Variants in TRPA1 observed in about 807,000 individuals in gnomAD.
The protein encoded by TRPA1 is transient receptor potential cation channel subfamily A member 1.
Under a neutral mutation model 131.3 loss-of-function variants are expected in TRPA1, and 129 were observed. The observed-to-expected ratio is 0.98, with a 90% CI of 0.85 to 1.14. The LOEUF is 1.14. Among genes scored for constraint, TRPA1 ranks in the 50% most tolerant of loss-of-function variants. The probability of loss-of-function intolerance (pLI) is 0.00; values close to 1 mark genes in which losing one functional copy is unlikely to be tolerated. For synonymous variants in TRPA1, 441 were observed against 451.7 expected (o/e 0.98, Z 0.30); for missense variants, 1,304 against 1,354.2 (o/e 0.96, Z 0.58).
At chr8:72,060,853 A>G (rs1805791459) in intron 7 of TRPA1, among the ~76,000 whole-genome samples, 1 of 143,242 alleles carries the variant, frequency 7.0e-6, no homozygotes, top group South Asian at 2.2e-4. Flanking sequence ...ATTGGTAGCT[A>G]TAGTTTCTTT....
chr8:72,071,789 T>C lies in TRPA1; in HGVS notation c.190A>G (p.Thr64Ala), dbSNP rs1221240048. 3 of 1,613,518 alleles carry C rather than the reference T, an allele frequency of 1.9e-6. No individual in the cohort carries two copies. The highest frequency in any genetic ancestry group is 2.7e-5 in the African/African-American group (2 of 75,048). ...GCTGCAGCATAATGCAAGAAGAAGG[T>C]GTCCATATCGTCACATCTTTTTAAT... ...KKLKRCDDMD[T>A]FFLHYAAAEG... The change falls in exon 2 of 27, where the codon ACC becomes GCC. Residue 64 changes from threonine (T) to alanine (A), a missense_variant. Transcript: ENST00000262209.
intron 13 of TRPA1, chr8:72,053,376 A>G (rs1805576992): frequency 3.4e-6 from 1 of 293,832 alleles, no homozygotes; most frequent in East Asian, 8.5e-5. Context: ...AAGGAAAGAC[A>G]TAATAGCACA....
In TRPA1 at chr8:72,036,320, GA is replaced by G; in HGVS notation, c.2522del (p.Phe841SerfsTer4). ...QWQCGAIAVY[F>X]YWMNFLLYLQ... ...GATACAATAAGAAATTCATCCAATA[GA>G]AGTAAACAGCAATTGCTCCACATTG... is the stretch of plus-strand genomic sequence containing the variant. On this transcript the variant is annotated frameshift_variant, in exon 21 of 27. Transcript: ENST00000262209. LOFTEE classifies it high-confidence loss of function. The G allele has an allele frequency of 6.2e-7, 1 of 1,614,072 alleles. No homozygotes were observed. The highest frequency in any genetic ancestry group is 8.5e-7 in the Non-Finnish European group (1 of 1,179,986).
the TRPA1 span, among the ~76,000 whole-genome samples, chr8:72,085,370 T>C: frequency 6.6e-6 from 1 of 152,298 alleles, no homozygotes; most frequent in East Asian, 1.9e-4. Context: ...TCCACCACAG[T>C]TGTGGAATTG....
intron 15 of TRPA1, 118 bp from the exon 16 acceptor site, chr8:72,047,325 C>G: frequency 1.3e-6 from 1 of 766,658 alleles, no homozygotes; most frequent in Non-Finnish European, 2.3e-6. Flanking sequence ...TGGTTTCTTG[C>G]ATCTCAAGAA....
At chr8:72,025,763 AGAGCAAAC>A (rs1811580962) in intron 25 of TRPA1, among the ~76,000 whole-genome samples, 189 bp downstream of exon 25, 1 of 152,176 alleles carries the variant, frequency 6.6e-6, no homozygotes, top group African/African-American at 2.4e-5. Context: ...CTGAAAGGGG[AGAGCAAAC>A]GTCACCCTCC....
At chr8:72,071,181 C>A (rs1806050791) in intron 2 of TRPA1, among the ~76,000 whole-genome samples, 1 of 152,108 alleles carries the variant, frequency 6.6e-6, no homozygotes, top group Admixed American at 6.5e-5. Flanking sequence ...CACTTCTAAT[C>A]CATCTTCCAC....
chr8:72,049,415 C>A (rs1001853028), intron 15 of TRPA1, among the ~76,000 whole-genome samples: 3 of 152,102 alleles, frequency 2.0e-5, no homozygotes, highest in African/African-American at 7.2e-5. Flanking sequence ...ATCCCAGGAC[C>A]TCCAGAAGGC....
At chr8:72,072,731 G>T (rs949384122) in intron 1 of TRPA1, among the ~76,000 whole-genome samples, 2 of 152,070 alleles carry the variant, frequency 1.3e-5, no homozygotes. Context: ...TATGCTCTTT[G>T]CGTAATAAAG....
At chr8:72,080,003 G>T (rs1806258938), upstream of TRPA1, among the ~76,000 whole-genome samples, 1 of 151,892 alleles carries the variant, frequency 6.6e-6, no homozygotes, top group African/African-American at 2.4e-5. Flanking sequence ...AAGTGATCTT[G>T]TTTTCTACAG....
At chr8:72,024,598 C>A (rs2129432389) in intron 25 of TRPA1, among the ~76,000 whole-genome samples, 1 of 152,172 alleles carries the variant, frequency 6.6e-6, no homozygotes, top group South Asian at 2.1e-4. Context: ...AAGGAGGAAC[C>A]AGGACTTTTT....
rs188312961 is a variant in TRPA1 at position 72,023,014 on chromosome 8, A to C, written c.3252T>G (p.His1084Gln). The change falls in exon 27 of 27, where the codon CAT becomes CAG. Residue 1084 changes from histidine to glutamine, a missense_variant. By Grantham distance (24) the His-to-Gln change is conservative. Transcript: ENST00000262209. ...TCTTAAACCTGTCTTGAAAAGAACA[A>C]TGGCTATCATCATCCTCTGTCTCAG... is the stretch of plus-strand genomic sequence containing the variant. ...IISETEDDDS[H>Q]CSFQDRFKKE... The C allele has an allele frequency of 4.4e-5, 71 of 1,613,856 alleles. No individual in the cohort carries two copies. In the Admixed American group the frequency reaches 1.2e-3, roughly 27 times the overall value.
In TRPA1 at chr8:72,046,361, A is replaced by G. The variant is rs915200517; in HGVS notation, c.2061+152T>C. 5.5e-5 allele frequency: 26 copies of G among 469,816 alleles called. No individual in the cohort carries two copies. The East Asian group carries it at 8.2e-4, about 15-fold the overall frequency. The allele number at this position is 469,816 out of a possible 1,614,324, so 29.1% of individuals were successfully genotyped here. A position where few individuals can be genotyped will look rare whatever the true frequency, so the allele number is the denominator to read the frequency against. ...AAAACATTTTAGAACCCAACTAGAA[A>G]CTATTTAGATAATGAGATGGCTGGG... On this transcript the variant is annotated intron_variant, in intron 17 of 26. Transcript: ENST00000262209.
At chr8:72,047,042 A>G (rs1805347112) in intron 16 of TRPA1, 106 bp downstream of exon 16, 1 of 848,798 alleles carries the variant, frequency 1.2e-6, no homozygotes, top group Non-Finnish European at 1.9e-6. Flanking sequence ...AAATTAGATC[A>G]ATACCATCTG....
rs768291928 is a variant in TRPA1 at position 72,022,799 on chromosome 8, C to T, written c.*107G>A. On this transcript the variant is annotated 3_prime_UTR_variant, in exon 27 of 27. Transcript: ENST00000262209. Reference sequence around the variant, plus strand: ...AGCATGCAGGAACCATGATTTCACACGCAGCAAAATGAATCATTCTGCTTC... The same window carrying T: ...AGCATGCAGGAACCATGATTTCACATGCAGCAAAATGAATCATTCTGCTTC... 316 of 1,029,874 alleles carry T rather than the reference C, an allele frequency of 3.1e-4. No individual in the cohort carries two copies. Among genetic ancestry groups the T allele is most frequent in the Middle Eastern group, 4.1e-4 (2 of 4,906 alleles). 63.8% of individuals were successfully genotyped at this position (1,029,874 alleles called of 1,614,324 possible).
In TRPA1 at chr8:72,071,929, T is replaced by C. The variant is rs2289735; in HGVS notation, c.112-62A>G. 14,306 of 1,430,706 alleles carry C rather than the reference T, an allele frequency of 1.0e-2. 489 individuals are homozygous for C. The highest frequency in any genetic ancestry group is 0.072 in the South Asian group (6,165 of 85,622). The allele number at this position is 1,430,706 out of a possible 1,614,324, so 88.6% of individuals were successfully genotyped here. ...TATGCAAAACTTATGGCTATAATCATTTTATAGCCTGAAAGAACTTATTAT... is the reference window on the plus strand; with the variant it reads ...TATGCAAAACTTATGGCTATAATCACTTTATAGCCTGAAAGAACTTATTAT... On this transcript the variant is annotated intron_variant, in intron 1 of 26. Coordinates refer to ENST00000262209, the MANE Select transcript of TRPA1 (RefSeq NM_007332.3).
At chr8:72,075,265 G>C (rs1226567827) in intron 1 of TRPA1, 34 bp downstream of exon 1, 2 of 1,554,694 alleles carry the variant, frequency 1.3e-6, no homozygotes, top group Non-Finnish European at 1.8e-6. Flanking sequence ...CCCGCACGTC[G>C]GAACCCCTCC....
intron 1 of TRPA1, among the ~76,000 whole-genome samples, chr8:72,074,520 T>G (rs1806132944): frequency 6.6e-6 from 1 of 152,198 alleles, no homozygotes; most frequent in Non-Finnish European, 1.5e-5. Context: ...GGAGAGACCT[T>G]TTTAATGATG....
chr8:72,050,679 A>G, intron 15 of TRPA1, 99 bp downstream of exon 15: 3 of 842,520 alleles, frequency 3.6e-6, no homozygotes, highest in Non-Finnish European at 5.9e-6. Flanking sequence ...GGAAAATGAG[A>G]AGCTTTGTTT....
Sources: gnomAD v4.1 joint callset for allele counts (sites outside exome capture counted in the v4.1 genomes callset) on GRCh38, gnomAD v4.1.1 for gene constraint, MANE v1.5 for transcripts, NCBI Gene and HGNC (gene_info 2026-07-23, HGNC 2026-07-21) for gene names.